PLEKHG1: variants seen among roughly 807,000 people sequenced by gnomAD.
The protein encoded by PLEKHG1 is pleckstrin homology domain-containing family G member 1.
PLEKHG1 carries 44 observed loss-of-function variants against 100.8 expected under a neutral mutation model. The ratio of observed to expected loss-of-function variants is 0.44; its 90% CI spans 0.34 to 0.56. The LOEUF (loss-of-function observed/expected upper bound fraction) is 0.56, where lower values mean the gene tolerates loss of function less well. Among genes scored for constraint, PLEKHG1 ranks in the 20% least tolerant of loss-of-function variants. PLEKHG1 has a pLI of 0.01. For synonymous variants in PLEKHG1, 640 were observed against 662.5 expected (o/e 0.97, Z 0.52); for missense variants, 1,545 against 1,720.9 (o/e 0.90, Z 1.81).
intron 13 of PLEKHG1, among the ~76,000 whole-genome samples, chr6:150,822,967 G>A (rs1034570940): frequency 2.6e-5 from 4 of 152,144 alleles, no homozygotes; most frequent in Admixed American, 1.3e-4. Flanking sequence ...ATGACAGAGC[G>A]AGACTCCATC....
intron 4 of PLEKHG1, 38 bp downstream of exon 5, chr6:150,786,497 AT>A: frequency 7.6e-7 from 1 of 1,315,870 alleles, no homozygotes; most frequent in Non-Finnish European, 1.1e-6. Flanking sequence ...ACTGAGACAG[AT>A]ACAGAGTACA....
At chr6:150,644,318 GT>G (rs1413768548) in intron 2 of PLEKHG1, among the ~76,000 whole-genome samples, 2 of 135,282 alleles carry the variant, frequency 1.5e-5, no homozygotes, top group Non-Finnish European at 3.0e-5. Flanking sequence ...AAAGAGAGTG[GT>G]TTTTTTCTTT....
At chr6:150,826,215 TG>T (rs1776596283) in intron 14 of PLEKHG1, among the ~76,000 whole-genome samples, 1 of 152,038 alleles carries the variant, frequency 6.6e-6, no homozygotes, top group South Asian at 2.1e-4. Flanking sequence ...CCCGGCACTT[TG>T]GGAGGTCACA....
At chr6:150,643,688 T>C (rs1269617869) in intron 2 of PLEKHG1, among the ~76,000 whole-genome samples, 2 of 152,230 alleles carry the variant, frequency 1.3e-5, no homozygotes, top group Non-Finnish European at 2.9e-5. Flanking sequence ...TTCTTGAAGA[T>C]ACCATACTTT....
chr6:150,820,061 T>C (rs1158004042), intron 12 of PLEKHG1, among the ~76,000 whole-genome samples: 1 of 152,064 alleles, frequency 6.6e-6, no homozygotes, highest in Non-Finnish European at 1.5e-5. Context: ...ATATAAAAGT[T>C]AGCCAGGCGT....
At chr6:150,705,975 C>A (rs1048896446) in intron 3 of PLEKHG1, among the ~76,000 whole-genome samples, 1 of 152,170 alleles carries the variant, frequency 6.6e-6, no homozygotes, top group Non-Finnish European at 1.5e-5. Flanking sequence ...AATGCTCTTC[C>A]AAGTTATTCC....
intron 13 of PLEKHG1, 98 bp from the exon 15 acceptor site, chr6:150,823,556 C>T (rs928364334): frequency 1.8e-5 from 14 of 790,024 alleles, no homozygotes; most frequent in Non-Finnish European, 2.9e-5. Flanking sequence ...GCTTCAATTA[C>T]TAGTAATAAG....
intron 3 of PLEKHG1, among the ~76,000 whole-genome samples, chr6:150,664,641 G>A (rs776345533): frequency 3.3e-5 from 5 of 152,104 alleles, no homozygotes; most frequent in Non-Finnish European, 7.3e-5. Flanking sequence ...GGGGTGTCTC[G>A]TGTTGTGAAG....
intron 3 of PLEKHG1, among the ~76,000 whole-genome samples, chr6:150,771,660 G>T (rs552172968): frequency 6.6e-6 from 1 of 151,926 alleles, no homozygotes; most frequent in Non-Finnish European, 1.5e-5. Context: ...ATCAATAGGT[G>T]TATCGATTTC....
chr6:150,605,039 T>C (rs1387255566), intron 1 of PLEKHG1, among the ~76,000 whole-genome samples: 2 of 152,202 alleles, frequency 1.3e-5, no homozygotes, highest in African/African-American at 4.8e-5. Flanking sequence ...AGTTGAAATA[T>C]CTGTCTCTTC....
intron 3 of PLEKHG1, among the ~76,000 whole-genome samples, chr6:150,705,051 C>T (rs1780948477): frequency 6.6e-6 from 1 of 152,116 alleles, no homozygotes; most frequent in African/African-American, 2.4e-5. Flanking sequence ...AGGGCTTCAA[C>T]ATCAACATAT....
At chr6:150,750,213 C>T (rs777929989) in intron 2 of PLEKHG1, among the ~76,000 whole-genome samples, 5 of 152,156 alleles carry the variant, frequency 3.3e-5, no homozygotes, top group African/African-American at 4.8e-5. Context: ...CCTACATACA[C>T]CGGTTTAGAG....
At chr6:150,724,250 A>G (rs1397138814) in intron 1 of PLEKHG1, among the ~76,000 whole-genome samples, 2 of 152,260 alleles carry the variant, frequency 1.3e-5, no homozygotes, top group Non-Finnish European at 2.9e-5. Context: ...ATAGACTCCC[A>G]AAGGGGCATA....
intron 1 of PLEKHG1, among the ~76,000 whole-genome samples, chr6:150,731,201 G>C (rs1782233392): frequency 6.6e-6 from 1 of 152,150 alleles, no homozygotes; most frequent in Non-Finnish European, 1.5e-5. Context: ...CACCCAAGTT[G>C]GATCAGGCTT....
At chr6:150,704,826 G>C (rs1780939784) in intron 3 of PLEKHG1, among the ~76,000 whole-genome samples, 2 of 152,234 alleles carry the variant, frequency 1.3e-5, no homozygotes, top group Non-Finnish European at 2.9e-5. Context: ...AGTGGGGTTG[G>C]TGTCCAGTGA....
intron 2 of PLEKHG1, among the ~76,000 whole-genome samples, chr6:150,757,309 A>C (rs9397352): frequency 0.31 from 46,494 of 151,926 alleles, 9,244 homozygotes; most frequent in African/African-American, 0.56. Context: ...CCTGCTGTAA[A>C]TGTTTTAATG....
intron 3 of PLEKHG1, among the ~76,000 whole-genome samples, chr6:150,696,910 C>A (rs1166096767): frequency 6.6e-6 from 1 of 152,016 alleles, no homozygotes; most frequent in Non-Finnish European, 1.5e-5. Flanking sequence ...GAGTTCAAGA[C>A]CAGCCTGGCC....
Position 150,809,212 on chromosome 6 carries a change from G to A in PLEKHG1, c.1020G>A (p.Thr340=), listed in dbSNP as rs147935723. ...TCCAGCGAGCCAAGAATGAGCGGAC[G>A]CTCTTCCTCTTCGACAAGCTGCTGC... Residue 340 remains threonine (T), a synonymous_variant, in exon 8 of 16, where the codon ACG becomes ACA. Transcript: ENST00000358517. 213 of 1,614,108 alleles carry A rather than the reference G, an allele frequency of 1.3e-4. 1 individual carries two copies. The highest frequency in any genetic ancestry group is 5.8e-4 in the Admixed American group (35 of 60,026).
chr6:150,810,895 T>C (rs1787485173), intron 10 of PLEKHG1, among the ~76,000 whole-genome samples: 1 of 151,348 alleles, frequency 6.6e-6, no homozygotes, highest in African/African-American at 2.4e-5. Flanking sequence ...CACTCCAGCC[T>C]GGGTGACAGA....
Sources: allele counts gnomAD v4.1 joint callset (sites outside exome capture counted in the v4.1 genomes callset), GRCh38; gene constraint gnomAD v4.1.1; transcripts MANE v1.5; gene names NCBI Gene and HGNC (gene_info 2026-07-23, HGNC 2026-07-21).